LHFPL2: variants seen among roughly 807,000 people sequenced by gnomAD.
The protein encoded by LHFPL2 is LHFPL tetraspan subfamily member 2 protein.
LHFPL2 carries 7 observed loss-of-function variants against 17.5 expected under a neutral mutation model. That is an observed-to-expected ratio of 0.40 (90% confidence interval 0.23 to 0.75). The LOEUF (loss-of-function observed/expected upper bound fraction) is 0.75, where lower values mean the gene tolerates loss of function less well. Ranked by LOEUF, LHFPL2 falls within the 30% of genes least tolerant of loss-of-function variation. The pLI, the probability that LHFPL2 is intolerant of heterozygous loss-of-function variation, is 0.37. For missense variants in LHFPL2, 241 were observed against 294.8 expected, an observed-to-expected ratio of 0.82 and a Z score of 1.34; for synonymous variants, 134 against 116.2, an observed-to-expected ratio of 1.15 and a Z score of -0.99.
chr5:78,494,512 A>G, intron 4 of LHFPL2: 1 of 985,318 alleles, frequency 1.0e-6, no homozygotes. Context: ...CAATGGGGGG[A>G]TCACATGATT....
intron 4 of LHFPL2, among the ~76,000 whole-genome samples, chr5:78,501,670 C>T (rs1239682891): frequency 6.6e-6 from 1 of 152,126 alleles, no homozygotes; most frequent in African/African-American, 2.4e-5. Flanking sequence ...CTCAAGTGAT[C>T]CTCCTGCCCG....
intron 4 of LHFPL2, among the ~76,000 whole-genome samples, chr5:78,499,880 C>G (rs778837904): frequency 1.3e-5 from 2 of 152,264 alleles, no homozygotes; most frequent in Non-Finnish European, 2.9e-5. Context: ...AATGGCTGCC[C>G]TTGGTCCGAC....
At chr5:78,510,706 C>G (rs1755091548) in intron 3 of LHFPL2, among the ~76,000 whole-genome samples, 1 of 152,252 alleles carries the variant, frequency 6.6e-6, no homozygotes, top group African/African-American at 2.4e-5. Context: ...ACTTTTAGGA[C>G]AGGGCTCCCG....
intron 3 of LHFPL2, among the ~76,000 whole-genome samples, chr5:78,532,794 G>A (rs924297495): frequency 4.0e-5 from 6 of 151,606 alleles, no homozygotes; most frequent in Non-Finnish European, 8.8e-5. Context: ...CAATTCTAGG[G>A]TCAGTTTACT....
At chr5:78,526,858 G>T (rs1755635159) in intron 3 of LHFPL2, among the ~76,000 whole-genome samples, 1 of 152,150 alleles carries the variant, frequency 6.6e-6, no homozygotes, top group Admixed American at 6.5e-5. Flanking sequence ...TCCAATCAAA[G>T]ACATCACCAT....
rs115255478 is a variant in LHFPL2, at chr5:78,509,761, T to C, written c.430+23A>G. 1,836 of 1,598,014 alleles carry C rather than the reference T, an allele frequency of 1.1e-3. 24 individuals carry two copies. The African/African-American group carries it at 0.022, about 19-fold the overall frequency. On this transcript the variant is annotated intron_variant, in intron 4 of 4. Coordinates refer to ENST00000380345, the MANE Select transcript of LHFPL2 (RefSeq NM_005779.3). ...AGCTCTCCATCCCTCCATCCCACCG[T>C]GCCCGGGGTCCTGCCTTCTTACCTG...
In LHFPL2 at chr5:78,630,308, T is replaced by C. The variant is rs1184981427; in HGVS notation, c.-245+1956A>G. On this transcript the variant is annotated intron_variant, in intron 2 of 4. Transcript: ENST00000380345. The stretch of plus-strand genomic sequence containing the variant: ...GTGTGGAGACCAGACTCCCCACAAA[T>C]GCCCTGCGGCAGCTTCTTCAGGGAT... 2.0e-5 allele frequency among the ~76,000 whole-genome samples: 3 copies of C among 152,204 alleles called. No homozygotes were observed. The East Asian group carries it at 5.8e-4, about 29-fold the overall frequency.
intron 2 of LHFPL2, among the ~76,000 whole-genome samples, chr5:78,586,439 C>G (rs559478234): frequency 6.6e-6 from 1 of 152,288 alleles, no homozygotes; most frequent in East Asian, 1.9e-4. Context: ...CAGTCATGTC[C>G]TCATTTCATA....
chr5:78,627,781 T>C (rs944368802), intron 2 of LHFPL2, among the ~76,000 whole-genome samples: 1 of 152,236 alleles, frequency 6.6e-6, no homozygotes, highest in South Asian at 2.1e-4. Context: ...CTCTGCTAAC[T>C]CTACCATGTG....
At chr5:78,532,806 T>C (rs2112360679) in intron 3 of LHFPL2, among the ~76,000 whole-genome samples, 1 of 152,072 alleles carries the variant, frequency 6.6e-6, no homozygotes, top group African/African-American at 2.4e-5. Flanking sequence ...CAGTTTACTA[T>C]TACCATGATC....
rs554986471 is a variant in LHFPL2, at chr5:78,602,143, G to C, written c.-245+30121C>G. Among the ~76,000 whole-genome samples the C allele has an allele frequency of 7.9e-5, 12 of 151,870 alleles. No individual in the cohort carries two copies. The South Asian group carries it at 2.5e-3, about 32-fold the overall frequency. On this transcript the variant is annotated intron_variant, in intron 2 of 4. Transcript: ENST00000380345. ...ACTTATCTGATGTATACTCTGGAGA[G>C]AGAATGACAAATCATTAACCTGAAA...
intron 2 of LHFPL2, among the ~76,000 whole-genome samples, chr5:78,588,036 A>G (rs1743489045): frequency 6.6e-6 from 1 of 152,234 alleles, no homozygotes; most frequent in Admixed American, 6.5e-5. Flanking sequence ...CCAAGAAAAT[A>G]GATGCATTGG....
chr5:78,538,962 C>T (rs1212058102), intron 3 of LHFPL2, among the ~76,000 whole-genome samples: 1 of 152,210 alleles, frequency 6.6e-6, no homozygotes, highest in East Asian at 1.9e-4. Context: ...CCTAGCTCTG[C>T]TCTCCAATGG....
chr5:78,577,452 A>C (rs1002186095), intron 2 of LHFPL2, among the ~76,000 whole-genome samples: 3 of 152,098 alleles, frequency 2.0e-5, no homozygotes. Context: ...TGTTTCTCTC[A>C]ACATTTTTTT....
rs1182949186 is a variant in LHFPL2 at position 78,510,341 on chromosome 5, G to C, written c.-128C>G. 1.1e-6 allele frequency: 1 copy of C among 946,060 alleles called. No homozygotes were observed. The highest frequency in any genetic ancestry group is 1.6e-6 in the Non-Finnish European group (1 of 644,398). The allele number at this position is 946,060 out of a possible 1,614,324, so 58.6% of individuals were successfully genotyped here. A position where few individuals can be genotyped will look rare whatever the true frequency, so the allele number is the denominator to read the frequency against. On this transcript the variant is annotated 5_prime_UTR_variant, in exon 4 of 5. Coordinates refer to ENST00000380345, the MANE Select transcript of LHFPL2 (RefSeq NM_005779.3). ...GCTGCAGTCATTCACTCCCGCCGCC[G>C]GCCGCGTTCATGCTGGGGACAGCGC...
intron 3 of LHFPL2, among the ~76,000 whole-genome samples, chr5:78,541,236 T>A (rs1337712990): frequency 6.6e-6 from 1 of 151,864 alleles, no homozygotes; most frequent in African/African-American, 2.4e-5. Flanking sequence ...CTAGCCCGAG[T>A]GAAGCTGGGG....
At chr5:78,589,758 GGACGGCCACTAT>G (rs1210005739) in intron 2 of LHFPL2, among the ~76,000 whole-genome samples, 1 of 152,210 alleles carries the variant, frequency 6.6e-6, no homozygotes, top group Non-Finnish European at 1.5e-5. Context: ...GGCTCCTTGA[GGACGGCCACTAT>G]GTCTGGTTCA....
chr5:78,576,018 G>A (rs915596410), intron 2 of LHFPL2, among the ~76,000 whole-genome samples: 3 of 152,170 alleles, frequency 2.0e-5, no homozygotes, highest in African/African-American at 7.2e-5. Context: ...AAATCTGGCC[G>A]GGCGCAGTGG....
chr5:78,509,865 C>A lies in LHFPL2; in HGVS notation c.349G>T (p.Val117Leu). Residue 117 changes from valine (V) to leucine (L), a missense_variant, in exon 4 of 5, where the codon GTG (valine) becomes TTG (leucine). Transcript: ENST00000380345. ...TGTACACACATGGTGAAGACGGACACCAAGGCCACCATGCAGAGAATAAAG... is the reference window on the plus strand; with the variant it reads ...TGTACACACATGGTGAAGACGGACAACAAGGCCACCATGCAGAGAATAAAG... ...GIFILCMVAL[V>L]SVFTMCVQSI... 1 of 1,613,988 alleles carries A rather than the reference C, an allele frequency of 6.2e-7. No individual in the cohort carries two copies. Among genetic ancestry groups the A allele is most frequent in the Non-Finnish European group, 8.5e-7 (1 of 1,180,042 alleles).
Sources: allele counts gnomAD v4.1 joint callset (sites outside exome capture counted in the v4.1 genomes callset), GRCh38; gene constraint gnomAD v4.1.1; transcripts MANE v1.5; gene names NCBI Gene and HGNC (gene_info 2026-07-23, HGNC 2026-07-21).